The following TTLL11 variants were observed in gnomAD, a reference collection of about 807,000 sequenced individuals.
TTLL11 encodes tubulin polyglutamylase TTLL11.
Under a neutral mutation model 51.7 loss-of-function variants are expected in TTLL11, and 42 were observed. That is an observed-to-expected ratio of 0.81 (90% CI 0.64 to 1.05). The LOEUF (loss-of-function observed/expected upper bound fraction) is 1.05. Among genes scored for constraint, TTLL11 ranks in the 50% least tolerant of loss-of-function variants. The pLI is 0.00. For missense variants in TTLL11, 799 were observed against 940.4 expected, an observed-to-expected ratio of 0.85 and a Z score of 1.97; for synonymous variants, 381 against 383.5, an observed-to-expected ratio of 0.99 and a Z score of 0.08.
chr9:122,093,009 G>A lies in TTLL11; in HGVS notation c.140C>T (p.Ala47Val). Residue 47 changes from alanine to valine, a missense_variant, in exon 1 of 9, where the codon GCG (alanine) becomes GTG (valine). Physicochemically the swap from Ala to Val is moderately conservative, Grantham distance 64. Coordinates refer to ENST00000321582, the MANE Select transcript of TTLL11 (RefSeq NM_001139442.2). Reference sequence around the variant, plus strand: ...TGCCTTGCACTCCGGTTCCCCGGCCGCGCCCGCGTCCACGCGGACCTGTTC... The same window carrying A: ...TGCCTTGCACTCCGGTTCCCCGGCCACGCCCGCGTCCACGCGGACCTGTTC... ...VAEQVRVDAG[A>V]AGEPECKAGE... The A allele has an allele frequency of 2.0e-6, 3 of 1,537,700 alleles. No homozygotes were observed. Among genetic ancestry groups the A allele is most frequent in the Admixed American group, 1.9e-5 (1 of 51,814 alleles).
rs16911364 is a variant in TTLL11 at position 122,063,314 on chromosome 9, T to A, written c.463-23946A>T. On this transcript the variant is annotated intron_variant, in intron 1 of 8. Transcript: ENST00000321582. ...AGACCCTTACTTCAAAATCGACCTA[T>A]TTGAAGATCCATATATGATAACATC... 3.6e-4 allele frequency among the ~76,000 whole-genome samples: 55 copies of A among 152,320 alleles called. 1 individual carries two copies. In the East Asian group the frequency reaches 0.011, roughly 29 times the overall value.
intron 6 of TTLL11, 123 bp from the exon 7 acceptor site, chr9:121,870,871 G>T (rs1228929830): frequency 8.7e-7 from 1 of 1,155,408 alleles, no homozygotes. Flanking sequence ...CAGCAAGACT[G>T]ACCACAGAGA....
rs180881302 is a variant in TTLL11 at position 121,853,368 on chromosome 9, G to A, written c.1840+6969C>T. 6.4e-4 allele frequency among the ~76,000 whole-genome samples: 97 copies of A among 152,160 alleles called. No individual in the cohort carries two copies. The highest frequency in any genetic ancestry group is 2.3e-3 in the African/African-American group (95 of 41,490). ...GGGCAGCGCTGGGTGCTGCGGAGCA[G>A]GTGAGACGGTACTGGGCCCAGCCTG... On this transcript the variant is annotated intron_variant, in intron 8 of 8. Transcript: ENST00000321582. The surrounding 1 kb of genome is among the most constrained non-coding windows in gnomAD (Gnocchi z 5.6).
At chr9:122,055,203 G>GGATAGATAGAT (rs1845258882) in intron 1 of TTLL11, among the ~76,000 whole-genome samples, 1 of 144,652 alleles carries the variant, frequency 6.9e-6, no homozygotes, top group African/African-American at 2.6e-5. Context: ...AGGACTAATA[G>GGATAGATAGAT]GATAGATAGA....
chr9:121,868,066 T>C (rs540760301), intron 7 of TTLL11, among the ~76,000 whole-genome samples: 1 of 152,278 alleles, frequency 6.6e-6, no homozygotes, highest in Admixed American at 6.5e-5. Flanking sequence ...TGATCTTGAA[T>C]TGAGTCTTCT....
At chr9:121,942,753 T>G (rs1451989368) in intron 6 of TTLL11, among the ~76,000 whole-genome samples, 2 of 149,750 alleles carry the variant, frequency 1.3e-5, no homozygotes, top group African/African-American at 5.0e-5. Flanking sequence ...TTTTTTTTTT[T>G]TTTTTTTTGC....
chr9:121,826,184 C>CCATATATA lies in TTLL11; in HGVS notation c.1841-3306_1841-3305insTATATATG, dbSNP rs1491277758. 5.3e-3 allele frequency among the ~76,000 whole-genome samples: 273 copies of CCATATATA among 51,098 alleles called. 31 individuals carry two copies. The highest frequency in any genetic ancestry group is 0.022 in the African/African-American group (252 of 11,438). The allele number at this position is 51,098 out of a possible 152,430, so 33.5% of individuals were successfully genotyped here. On this transcript the variant is annotated intron_variant, in intron 8 of 8. Coordinates refer to ENST00000321582, the MANE Select transcript of TTLL11 (RefSeq NM_001139442.2). ...TATATATATATATATAACCAGTAAC[C>CCATATATA]TATATATATATATATATATATATAT...
chr9:122,042,212 GC>G (rs1439404124), intron 1 of TTLL11, among the ~76,000 whole-genome samples: 2 of 152,120 alleles, frequency 1.3e-5, no homozygotes. Context: ...GCTGGGTTTT[GC>G]CATGTTGGCC....
At chr9:121,936,773 A>G (rs1841242241) in intron 6 of TTLL11, among the ~76,000 whole-genome samples, 1 of 152,254 alleles carries the variant, frequency 6.6e-6, no homozygotes, top group Admixed American at 6.5e-5. Context: ...TATTATATGC[A>G]CATAAAACAT....
chr9:121,897,645 C>T (rs1309693207), intron 6 of TTLL11, among the ~76,000 whole-genome samples: 1 of 151,990 alleles, frequency 6.6e-6, no homozygotes, highest in Admixed American at 6.5e-5. Flanking sequence ...CACACACGCG[C>T]GCGCGAAGTC....
intron 6 of TTLL11, among the ~76,000 whole-genome samples, chr9:121,932,401 C>G (rs1841021013): frequency 6.6e-6 from 1 of 152,208 alleles, no homozygotes; most frequent in African/African-American, 2.4e-5. Context: ...CCAGGCACCA[C>G]CTGAGTACAT....
At chr9:121,971,053 G>A (rs1455085021) in intron 6 of TTLL11, among the ~76,000 whole-genome samples, 24 of 135,312 alleles carry the variant, frequency 1.8e-4, no homozygotes, top group Admixed American at 5.1e-4. Flanking sequence ...CAGCCGCCCC[G>A]TCCGGGAGGG....
chr9:121,904,932 C>T (rs975126677), intron 6 of TTLL11, among the ~76,000 whole-genome samples: 1 of 152,174 alleles, frequency 6.6e-6, no homozygotes, highest in Non-Finnish European at 1.5e-5. Flanking sequence ...GTATGGACGT[C>T]GATGCTCCTT....
intron 8 of TTLL11, among the ~76,000 whole-genome samples, chr9:121,847,273 G>C (rs1588066724): frequency 6.7e-6 from 1 of 148,394 alleles, no homozygotes; most frequent in East Asian, 1.9e-4. Flanking sequence ...GAAAGCAATA[G>C]AGAAAATCTA....
chr9:121,999,135 G>C (rs77680435), intron 3 of TTLL11, among the ~76,000 whole-genome samples: 2 of 152,252 alleles, frequency 1.3e-5, no homozygotes, highest in East Asian at 3.9e-4. Context: ...CTCAGTAAAT[G>C]CTTATGGGAA....
intron 3 of TTLL11, among the ~76,000 whole-genome samples, chr9:122,003,448 T>C (rs1158417691): frequency 6.6e-6 from 1 of 152,082 alleles, no homozygotes; most frequent in Non-Finnish European, 1.5e-5. Flanking sequence ...ATTTACTTTT[T>C]TGCCTTCAAC....
At chr9:121,958,223 C>A (rs1007254795) in intron 6 of TTLL11, among the ~76,000 whole-genome samples, 6 of 152,230 alleles carry the variant, frequency 3.9e-5, no homozygotes, top group African/African-American at 1.4e-4. Flanking sequence ...TTGATTACTT[C>A]TAACTACACG....
chr9:121,875,404 C>T (rs550018598), intron 6 of TTLL11, among the ~76,000 whole-genome samples: 64 of 152,254 alleles, frequency 4.2e-4, no homozygotes, highest in Middle Eastern at 3.4e-3. Context: ...TTTCTTCTAG[C>T]GACAGCCTTT....
intron 1 of TTLL11, among the ~76,000 whole-genome samples, chr9:122,090,471 C>T (rs1428565199): frequency 6.6e-6 from 1 of 152,222 alleles, no homozygotes; most frequent in African/African-American, 2.4e-5. Context: ...TTTGCCCACA[C>T]CACTCCTGCA....
Sources: gnomAD v4.1 joint callset for allele counts (sites outside exome capture counted in the v4.1 genomes callset) on GRCh38, gnomAD v4.1.1 for gene constraint, Gnocchi (gnomAD v3.1) non-coding constraint, MANE v1.5 for transcripts, NCBI Gene and HGNC (gene_info 2026-07-23, HGNC 2026-07-21) for gene names.